The following CR1 variants were observed in gnomAD, a reference collection of about 807,000 sequenced individuals.
The protein encoded by CR1 is complement C3b/C4b receptor 1 (Knops blood group).
CR1 carries 116 observed loss-of-function variants against 187.3 expected under a neutral mutation model. The ratio of observed to expected loss-of-function variants is 0.62; its 90% CI spans 0.53 to 0.72. The LOEUF (loss-of-function observed/expected upper bound fraction) is 0.72, where lower values mean the gene tolerates loss of function less well. CR1 is among the 30% of genes least tolerant of loss of function. CR1 has a pLI of 0.00. For synonymous variants in CR1, 576 were observed against 747.1 expected (o/e 0.77, Z 3.73); for missense variants, 1,731 against 2,110.7 (o/e 0.82, Z 3.52).
rs977963686 is a variant in CR1 at position 207,566,728 on chromosome 1, A to G, written c.3952+805A>G. Among the ~76,000 whole-genome samples, 3 of 150,212 alleles carry G rather than the reference A, an allele frequency of 2.0e-5. 1 individual carries two copies. The highest frequency in any genetic ancestry group is 5.0e-5 in the African/African-American group (2 of 39,638). The stretch of plus-strand genomic sequence containing the variant: ...TAAAATGAGCCTCATATGTTCAATA[A>G]TCAGTAGACTACTGATTTCTCCTAG... On this transcript the variant is annotated intron_variant, in intron 24 of 46. Coordinates refer to ENST00000367049, the MANE Select transcript of CR1 (RefSeq NM_000651.6).
intron 18 of CR1, 39 bp from the exon 19 acceptor site, chr1:207,552,712 GA>G: frequency 1.6e-6 from 1 of 634,154 alleles, no homozygotes; most frequent in East Asian, 3.6e-5. Context: ...AGAGAGTTCA[GA>G]TTACTCTACC....
At chr1:207,623,364 T>C (rs577528174) in intron 45 of CR1, among the ~76,000 whole-genome samples, 186 of 152,180 alleles carry the variant, frequency 1.2e-3, no homozygotes, top group African/African-American at 4.3e-3. Context: ...GGCAGATCAC[T>C]AGAGGCCAGG....
intron 4 of CR1, among the ~76,000 whole-genome samples, chr1:207,520,547 C>CT (rs1659943648): frequency 6.6e-6 from 1 of 152,212 alleles, no homozygotes. Context: ...TGACCAACCT[C>CT]TGTGTGATCT....
intron 3 of CR1, chr1:207,507,401 C>G (rs568539051): frequency 3.3e-5 from 5 of 152,440 alleles, no homozygotes; most frequent in Admixed American, 2.6e-4. Context: ...GCAGAACTCC[C>G]GTTTCTGTCT....
At chr1:207,524,561 T>C (rs1660108059) in intron 5 of CR1, among the ~76,000 whole-genome samples, 1 of 152,006 alleles carries the variant, frequency 6.6e-6, no homozygotes, top group Non-Finnish European at 1.5e-5. Context: ...GTTTTTTATA[T>C]ATTTTTTGTA....
intron 23 of CR1, among the ~76,000 whole-genome samples, chr1:207,565,209 G>A (rs1411015071): frequency 2.0e-5 from 3 of 150,220 alleles, no homozygotes; most frequent in Non-Finnish European, 4.4e-5. Context: ...CCAAATGCCA[G>A]CACCCAGTAA....
At chr1:207,617,270 A>C (rs1208628851) in intron 41 of CR1, among the ~76,000 whole-genome samples, 2 of 151,642 alleles carry the variant, frequency 1.3e-5, no homozygotes, top group East Asian at 3.9e-4. Context: ...GTAGGGATTT[A>C]TACTTTTTAT....
chr1:207,515,258 TACGTATAC>T (rs1281228718), intron 4 of CR1, among the ~76,000 whole-genome samples: 227 of 147,764 alleles, frequency 1.5e-3, no homozygotes, highest in African/African-American at 5.4e-3. Flanking sequence ...TATAGGTATA[TACGTATAC>T]GTATACATAT....
At chr1:207,514,980 C>CAT (rs71570062) in intron 4 of CR1, among the ~76,000 whole-genome samples, 1,686 of 129,284 alleles carry the variant, frequency 0.013, 26 homozygotes, top group Middle Eastern at 0.044. Context: ...TGAAGTATAA[C>CAT]ATATATATAT....
chr1:207,588,909 T>A (rs1432465003), intron 35 of CR1, 135 bp downstream of exon 35: 1 of 622,842 alleles, frequency 1.6e-6, no homozygotes, highest in Non-Finnish European at 2.8e-6. Context: ...TAGATGGAGA[T>A]GATACGTTGG....
intron 1 of CR1, among the ~76,000 whole-genome samples, chr1:207,504,979 A>G (rs1158320686): frequency 2.0e-5 from 3 of 152,198 alleles, no homozygotes; most frequent in Non-Finnish European, 4.4e-5. Flanking sequence ...AACTGTGCAT[A>G]TGAGGGATCT....
rs745592804 is a variant in CR1, at chr1:207,506,732, C to T, written c.320C>T (p.Pro107Leu). ...DRCRRKSCRN[P>L]PDPVNGMVHV... ...CCTGTAGGTAAATCATGTCGTAATC[C>T]TCCAGATCCTGTGAATGGCATGGTG... The change falls in exon 3 of 47, where the codon CCT (proline) becomes CTT (leucine). Residue 107 changes from proline (P) to leucine (L), a missense_variant. Physicochemically the swap from Pro to Leu is moderately conservative, Grantham distance 98 (BLOSUM62 -3). Transcript: ENST00000367049. 1 of 1,613,570 alleles carries T rather than the reference C, an allele frequency of 6.2e-7. No individual in the cohort carries two copies. Among genetic ancestry groups the T allele is most frequent in the East Asian group, 2.2e-5 (1 of 44,872 alleles).
Position 207,584,670 on chromosome 1 carries a change from C to T in CR1, c.5324C>T (p.Pro1775Leu). Residue 1775 changes from proline (P) to leucine (L), a missense_variant, in exon 33 of 47, where the codon CCA becomes CTA. This residue lies in a region of CR1 where 1,312 missense variants were observed against 1,379.6 expected (regional missense o/e 0.95). Transcript: ENST00000367049. ...CTAGATATCTTTTGTCCAAATCCTC[C>T]AGCTATCCTTAATGGGAGACACACA... The part of the protein sequence containing the change: ...VCEHIFCPNP[P>L]AILNGRHTGT... The T allele has an allele frequency of 6.2e-7, 1 of 1,613,596 alleles. No individual in the cohort carries two copies. The highest frequency in any genetic ancestry group is 8.5e-7 in the Non-Finnish European group (1 of 1,179,596).
chr1:207,580,375 C>T lies in CR1; in HGVS notation c.5072C>T (p.Thr1691Ile). 1.2e-6 allele frequency: 2 copies of T among 1,613,996 alleles called. No individual in the cohort carries two copies. Among genetic ancestry groups the T allele is most frequent in the Non-Finnish European group, 1.7e-6 (2 of 1,179,870 alleles). The change falls in exon 30 of 47, where the codon ACA becomes ATA. Residue 1691 changes from threonine to isoleucine, a missense_variant. By Grantham distance (89) the Thr-to-Ile change is moderately conservative. Around this residue, in one of 5 missense-constraint regions of CR1, gnomAD observed 1,312 missense variants for 1,379.6 expected, o/e 0.95. Coordinates refer to ENST00000367049, the MANE Select transcript of CR1 (RefSeq NM_000651.6). The part of the protein sequence containing the change: ...DLRGAASLHC[T>I]PQGDWSPEAP... ...AGAGGGGCTGCGTCTCTGCACTGCA[C>T]ACCCCAGGGAGACTGGAGCCCTGAA... is the stretch of plus-strand genomic sequence containing the variant.
In CR1 at chr1:207,496,236, T is replaced by A. The variant is rs1659074880; in HGVS notation, c.-32T>A. On this transcript the variant is annotated 5_prime_UTR_variant, in exon 1 of 47. Coordinates refer to ENST00000367049, the MANE Select transcript of CR1 (RefSeq NM_000651.6). ...CCTCTTATTTCAGTTTTCTTCGAGATCAAATCTGGTTTGTAGATGTGCTTG... is the reference window on the plus strand; with the variant it reads ...CCTCTTATTTCAGTTTTCTTCGAGAACAAATCTGGTTTGTAGATGTGCTTG... The A allele has an allele frequency of 6.2e-7, 1 of 1,613,614 alleles. No homozygotes were observed. The highest frequency in any genetic ancestry group is 1.3e-5 in the African/African-American group (1 of 75,038).
At chr1:207,603,752 A>G (rs762149291) in intron 35 of CR1, among the ~76,000 whole-genome samples, 3 of 152,168 alleles carry the variant, frequency 2.0e-5, no homozygotes, top group Non-Finnish European at 4.4e-5. Flanking sequence ...TTACTTGGAT[A>G]GTCCATAACC....
rs1402932539 is a variant in CR1, at chr1:207,506,818, G to T, written c.401+5G>T. On this transcript the variant is annotated splice_donor_5th_base_variant and intron_variant, in intron 3 of 46. Coordinates refer to ENST00000367049, the MANE Select transcript of CR1 (RefSeq NM_000651.6). The stretch of plus-strand genomic sequence containing the variant: ...TAAATATTCTTGTACTAAAGGGTGA[G>T]TTGGCATCTCTTGAACCAACATCTC... 6.2e-7 allele frequency: 1 copy of T among 1,608,624 alleles called. No homozygotes were observed.
chr1:207,616,449 C>T (rs770299098), intron 40 of CR1, 126 bp from the exon 41 acceptor site: 18 of 1,170,202 alleles, frequency 1.5e-5, no homozygotes, highest in Non-Finnish European at 1.8e-5. Context: ...ATTTAAATTC[C>T]GTCTACCTTA....
intron 35 of CR1, among the ~76,000 whole-genome samples, chr1:207,603,216 C>A (rs1158111351): frequency 6.6e-6 from 1 of 151,930 alleles, no homozygotes; most frequent in Non-Finnish European, 1.5e-5. Flanking sequence ...TTGATACCCA[C>A]CTCTCAGTGT....
Sources: allele counts gnomAD v4.1 joint callset (sites outside exome capture counted in the v4.1 genomes callset), GRCh38; gene constraint gnomAD v4.1.1; regional missense constraint gnomAD v4.1.1; transcripts MANE v1.5; gene names NCBI Gene and HGNC (gene_info 2026-07-23, HGNC 2026-07-21).